Variants in CSNK2A2IP observed in about 807,000 individuals in gnomAD.
CSNK2A2IP encodes the protein casein kinase 2 subunit alpha' interacting protein.
At chr3:88,445,290 A>AAAAAAAAAAAAAAAAAAAAT in the CSNK2A2IP span, among the ~76,000 whole-genome samples, 1 of 146,686 alleles carries the variant, frequency 6.8e-6, no homozygotes, top group Non-Finnish European at 1.5e-5. Context: ...AAAAAAAAAA[A>AAAAAAAAAAAAAAAAAAAAT]AAAAAAAAAA....
chr3:88,353,527 G>T, the CSNK2A2IP span, among the ~76,000 whole-genome samples: 2 of 152,088 alleles, frequency 1.3e-5, no homozygotes, highest in East Asian at 3.9e-4. Context: ...CTGAGCAACC[G>T]CAATAAACAC....
the CSNK2A2IP span, among the ~76,000 whole-genome samples, chr3:88,349,272 T>A: frequency 6.6e-6 from 1 of 151,928 alleles, no homozygotes; most frequent in South Asian, 2.1e-4. Context: ...TTGTCTTTTG[T>A]CCTTCTCCCC....
chr3:88,392,959 G>A, the CSNK2A2IP span, among the ~76,000 whole-genome samples: 1 of 152,122 alleles, frequency 6.6e-6, no homozygotes, highest in African/African-American at 2.4e-5. Context: ...TTTAGGGAAG[G>A]GTGAAACAAC....
At chr3:88,395,225 T>C in the CSNK2A2IP span, among the ~76,000 whole-genome samples, 1 of 152,242 alleles carries the variant, frequency 6.6e-6, no homozygotes, top group Admixed American at 6.5e-5. Context: ...TATCAATTTT[T>C]ATGGTGTTTC....
the CSNK2A2IP span, among the ~76,000 whole-genome samples, chr3:88,451,396 A>C: frequency 1.4e-3 from 212 of 146,594 alleles, 5 homozygotes; most frequent in Middle Eastern, 7.2e-3. Context: ...AGAAATGTCT[A>C]TTAAGAGTTT....
chr3:88,369,113 C>A, the CSNK2A2IP span, among the ~76,000 whole-genome samples: 129 of 152,020 alleles, frequency 8.5e-4, 1 homozygote, highest in African/African-American at 2.9e-3. Context: ...TTTTGGAGGG[C>A]AAGGATTGGG....
At chr3:88,362,731 T>C in the CSNK2A2IP span, among the ~76,000 whole-genome samples, 1 of 152,148 alleles carries the variant, frequency 6.6e-6, no homozygotes. Context: ...CCTTTCAGTT[T>C]AGGTGGATCT....
At chr3:88,362,530 AC>A in the CSNK2A2IP span, among the ~76,000 whole-genome samples, 3 of 152,186 alleles carry the variant, frequency 2.0e-5, no homozygotes, top group Non-Finnish European at 4.4e-5. Context: ...TCCTGTAGCC[AC>A]CACAGCTGAC....
At chr3:88,364,353 G>A in the CSNK2A2IP span, among the ~76,000 whole-genome samples, 2 of 151,724 alleles carry the variant, frequency 1.3e-5, no homozygotes, top group Non-Finnish European at 2.9e-5. Flanking sequence ...GGTGAAATCA[G>A]GAGATTATAA....
the CSNK2A2IP span, among the ~76,000 whole-genome samples, chr3:88,407,997 A>G: frequency 1.3e-5 from 2 of 152,304 alleles, no homozygotes; most frequent in East Asian, 3.9e-4. Flanking sequence ...TGCTAGGATT[A>G]CAGGCATAAG....
the CSNK2A2IP span, among the ~76,000 whole-genome samples, chr3:88,457,170 T>A: frequency 6.6e-6 from 1 of 152,192 alleles, no homozygotes; most frequent in Non-Finnish European, 1.5e-5. Context: ...ATTTCTCCAA[T>A]CTGTGAATAT....
the CSNK2A2IP span, among the ~76,000 whole-genome samples, chr3:88,366,675 G>A: frequency 6.6e-6 from 1 of 152,076 alleles, no homozygotes. Context: ...ATTGAAGGAG[G>A]GGGAAGGCAA....
the CSNK2A2IP span, among the ~76,000 whole-genome samples, chr3:88,461,470 G>C: frequency 6.6e-6 from 1 of 152,052 alleles, no homozygotes; most frequent in African/African-American, 2.4e-5. Context: ...GGAGAATGGC[G>C]TGAACCTGGG....
the CSNK2A2IP span, among the ~76,000 whole-genome samples, chr3:88,427,755 T>A: frequency 6.6e-6 from 1 of 152,046 alleles, no homozygotes; most frequent in Non-Finnish European, 1.5e-5. Context: ...CCGCCTAGAT[T>A]TCAAAGGACG....
chr3:88,457,013 G>C, the CSNK2A2IP span, among the ~76,000 whole-genome samples: 1 of 151,502 alleles, frequency 6.6e-6, no homozygotes, highest in Non-Finnish European at 1.5e-5. Context: ...AACGTACCAG[G>C]GTATGTTTAT....
the CSNK2A2IP span, among the ~76,000 whole-genome samples, chr3:88,357,589 G>A: frequency 6.6e-6 from 1 of 151,852 alleles, no homozygotes; most frequent in Admixed American, 6.6e-5. Flanking sequence ...ATAAATTTTA[G>A]GATTATTATT....
chr3:88,395,835 C>T, the CSNK2A2IP span, among the ~76,000 whole-genome samples: 3 of 152,084 alleles, frequency 2.0e-5, no homozygotes, highest in African/African-American at 7.2e-5. Context: ...AAGTATACTC[C>T]TGTTTCACAT....
At chr3:88,463,320 A>G in the CSNK2A2IP span, among the ~76,000 whole-genome samples, 2 of 152,032 alleles carry the variant, frequency 1.3e-5, no homozygotes, top group Non-Finnish European at 2.9e-5. Flanking sequence ...ACCCTGAAAA[A>G]TAAAATTGTG....
chr3:88,450,450 C>A, the CSNK2A2IP span, among the ~76,000 whole-genome samples: 1 of 152,108 alleles, frequency 6.6e-6, no homozygotes, highest in Non-Finnish European at 1.5e-5. Flanking sequence ...ACCCTTTCTG[C>A]CTCCTCCTGG....
Sources: gnomAD v4.1 joint callset for allele counts (sites outside exome capture counted in the v4.1 genomes callset) on GRCh38, gnomAD v4.1.1 for gene constraint, MANE v1.5 for transcripts, NCBI Gene and HGNC (gene_info 2026-07-23, HGNC 2026-07-21) for gene names.